The following QSOX1 variants were observed in gnomAD, a reference collection of about 807,000 sequenced individuals.
The protein encoded by QSOX1 is quiescin sulfhydryl oxidase 1, also known as sulfhydryl oxidase 1.
QSOX1 carries 40 observed loss-of-function variants against 76.1 expected under a neutral mutation model. The observed-to-expected ratio is 0.53, with a 90% CI of 0.41 to 0.68. QSOX1 has a LOEUF of 0.68. Ranked by LOEUF, QSOX1 falls within the 30% of genes least tolerant of loss-of-function variation. The pLI is 0.00. For missense variants in QSOX1, 931 were observed against 974.3 expected (o/e 0.96, Z 0.59); for synonymous variants, 392 against 413.1 (o/e 0.95, Z 0.62).
rs60836685 is a variant in QSOX1 at position 180,181,194 on chromosome 1, T to C, written c.607-980T>C. ...TTCTAAAAAAAATAATGATGACTGA[T>C]GTATATTTTTCTGATTCGGAGTCTA... On this transcript the variant is annotated intron_variant, in intron 5 of 11. Coordinates refer to ENST00000367602, the MANE Select transcript of QSOX1 (RefSeq NM_002826.5). Among the ~76,000 whole-genome samples, 3,322 of 152,270 alleles carry C rather than the reference T, an allele frequency of 0.022. 187 individuals are homozygous for C. The East Asian group carries it at 0.23, about 11-fold the overall frequency.
chr1:180,170,709 G>A (rs917388266), intron 2 of QSOX1, among the ~76,000 whole-genome samples: 5 of 152,224 alleles, frequency 3.3e-5, no homozygotes, highest in African/African-American at 7.2e-5. Flanking sequence ...CAGGGCACAC[G>A]CCCCAGTGGT....
intron 1 of QSOX1, among the ~76,000 whole-genome samples, chr1:180,163,902 T>C (rs566974432): frequency 9.2e-4 from 140 of 152,252 alleles, no homozygotes; most frequent in Middle Eastern, 3.4e-3. Context: ...AATAATATGT[T>C]GATGTTTCTC....
At chr1:180,182,435 C>A in intron 6 of QSOX1, 116 bp downstream of exon 6, 2 of 1,393,174 alleles carry the variant, frequency 1.4e-6, no homozygotes, top group Non-Finnish European at 2.0e-6. Context: ...CTGAAGAGCC[C>A]CCTCAGGAGA....
At position 180,196,246 on chromosome 1, in the gene QSOX1, A is replaced by G; in HGVS notation, c.1469-16A>G. 1 of 1,599,168 alleles carries G rather than the reference A, an allele frequency of 6.3e-7. No individual in the cohort carries two copies. Among genetic ancestry groups the G allele is most frequent in the Non-Finnish European group, 8.5e-7 (1 of 1,169,890 alleles). On this transcript the variant is annotated splice_polypyrimidine_tract_variant and intron_variant, in intron 11 of 11. Transcript: ENST00000367602. This position sits in a 1 kb window ranked among gnomAD's most constrained non-coding sequence, Gnocchi z 4.1. Reference sequence around the variant, plus strand: ...GACTGATGTCACCACCAGCCTGTGTATGCTTCCCTCTGTAGGTGCCCCCAG... The same window carrying G: ...GACTGATGTCACCACCAGCCTGTGTGTGCTTCCCTCTGTAGGTGCCCCCAG...
intron 8 of QSOX1, among the ~76,000 whole-genome samples, chr1:180,187,301 C>T (rs1035062065): frequency 6.6e-6 from 1 of 152,222 alleles, no homozygotes; most frequent in Non-Finnish European, 1.5e-5. Context: ...TTCTTCAGTC[C>T]ATTGCCATAA....
intron 2 of QSOX1, among the ~76,000 whole-genome samples, chr1:180,170,128 G>T (rs987318784): frequency 2.6e-5 from 4 of 152,210 alleles, no homozygotes; most frequent in Non-Finnish European, 4.4e-5. Context: ...AGAAATGGCA[G>T]GTCCTTGAAT....
chr1:180,156,701 C>T lies in QSOX1; in HGVS notation c.265+1529C>T, dbSNP rs901547499. On this transcript the variant is annotated intron_variant, in intron 1 of 11. Transcript: ENST00000367602. ...GGTCCCATTAGCTGAACGTGCCTTTCTGAGCAGTGCTTCACACCATTTCAA... is the reference window on the plus strand; with the variant it reads ...GGTCCCATTAGCTGAACGTGCCTTTTTGAGCAGTGCTTCACACCATTTCAA... Among the ~76,000 whole-genome samples the T allele has an allele frequency of 2.6e-5, 4 of 152,314 alleles. No individual in the cohort carries two copies. The East Asian group carries it at 7.7e-4, about 29-fold the overall frequency.
rs1173728756 is a variant in QSOX1, at chr1:180,184,038, A to G, written c.875A>G (p.Lys292Arg). 1 of 1,614,002 alleles carries G rather than the reference A, an allele frequency of 6.2e-7. No individual in the cohort carries two copies. ...AACAAGATAGCTCCCACTGTTTGGA[A>G]ATTGGCAGATCGGTAAGGCTACGCC... ...TANKIAPTVW[K>R]LADRSKIYMA... Residue 292 changes from lysine to arginine, a missense_variant, in exon 7 of 12, where the codon AAA becomes AGA. Coordinates refer to ENST00000367602, the MANE Select transcript of QSOX1 (RefSeq NM_002826.5).
At chr1:180,175,184 A>T in intron 2 of QSOX1, 137 bp from the exon 3 acceptor site, 1 of 802,220 alleles carries the variant, frequency 1.2e-6, no homozygotes. Context: ...GAAAGAAAAA[A>T]GAAACAGGCT....
At chr1:180,180,278 T>C (rs976073738) in intron 5 of QSOX1, among the ~76,000 whole-genome samples, 2 of 152,270 alleles carry the variant, frequency 1.3e-5, no homozygotes, top group African/African-American at 2.4e-5. Flanking sequence ...TGGCACTGTC[T>C]TGGCTCGCTG....
Position 180,176,023 on chromosome 1 carries a change from G to A in QSOX1, c.505G>A (p.Glu169Lys). The stretch of plus-strand genomic sequence containing the variant: ...GTGGCCCCCAGCCTGTCCCCCACTG[G>A]AGCCTGCCAAGTACTTTGGGCTGGG... Reference protein sequence around the residue: ...DTWPPACPPLEPAKLEEIDGF... With the variant: ...DTWPPACPPLKPAKLEEIDGF... Residue 169 changes from glutamate (E) to lysine (K), a missense_variant, in exon 4 of 12, where the codon GAG (glutamate) becomes AAG (lysine). Transcript: ENST00000367602. 1 of 1,593,454 alleles carries A rather than the reference G, an allele frequency of 6.3e-7. No homozygotes were observed.
chr1:180,180,195 G>A (rs892918536), intron 5 of QSOX1, among the ~76,000 whole-genome samples: 9 of 152,214 alleles, frequency 5.9e-5, no homozygotes, highest in African/African-American at 2.2e-4. Context: ...CAAGATAGGA[G>A]CTTTATATTT....
intron 11 of QSOX1, 139 bp downstream of exon 11, chr1:180,194,531 C>A: frequency 1.3e-6 from 1 of 747,682 alleles, no homozygotes; most frequent in Non-Finnish European, 2.0e-6. Flanking sequence ...TAACCAATGC[C>A]AGTATCATCA....
At chr1:180,163,524 C>T (rs2149230333) in intron 1 of QSOX1, among the ~76,000 whole-genome samples, 1 of 152,290 alleles carries the variant, frequency 6.6e-6, no homozygotes, top group Admixed American at 6.5e-5. Flanking sequence ...GTTTCCTCAG[C>T]TTTTCATGCT....
intron 1 of QSOX1, among the ~76,000 whole-genome samples, chr1:180,166,143 G>T (rs973697412): frequency 6.6e-6 from 1 of 152,130 alleles, no homozygotes; most frequent in Non-Finnish European, 1.5e-5. Context: ...GGCTTTTCCT[G>T]GGGGGTGGGG....
chr1:180,198,286 C>T lies in QSOX1; in HGVS notation c.*1249C>T, dbSNP rs1019141639. 2.2e-5 allele frequency: 10 copies of T among 456,536 alleles called. No homozygotes were observed. The highest frequency in any genetic ancestry group is 3.1e-5 in the Non-Finnish European group (7 of 226,970). The allele number at this position is 456,536 out of a possible 1,614,324, so 28.3% of individuals were successfully genotyped here. Reference sequence around the variant, plus strand: ...CTCCCTGAGAGCTCCTGCCTCAGTGCCCTGGGCTGGTGAGGGAGAAGCCTG... The same window carrying T: ...CTCCCTGAGAGCTCCTGCCTCAGTGTCCTGGGCTGGTGAGGGAGAAGCCTG... On this transcript the variant is annotated 3_prime_UTR_variant, in exon 12 of 12. Coordinates refer to ENST00000367602, the MANE Select transcript of QSOX1 (RefSeq NM_002826.5).
In QSOX1 at chr1:180,186,141, C is replaced by T. The variant is rs189319097; in HGVS notation, c.976C>T (p.Arg326Cys). The change falls in exon 8 of 12, where the codon CGC becomes TGC. Residue 326 changes from arginine (R) to cysteine (C), a missense_variant. Physicochemically the swap from Arg to Cys is radical, Grantham distance 180. Coordinates refer to ENST00000367602, the MANE Select transcript of QSOX1 (RefSeq NM_002826.5). ...VGRFPVLEGQRLVALKKFVAV... is the reference protein window; with the variant it reads ...VGRFPVLEGQCLVALKKFVAV... The stretch of plus-strand genomic sequence containing the variant: ...CAGGTTCCCGGTCCTGGAAGGGCAG[C>T]GCCTGGTGGCCCTGAAAAAGTTTGT... The T allele has an allele frequency of 4.8e-4, 778 of 1,614,032 alleles. 5 individuals carry two copies. The Middle Eastern group carries it at 6.5e-3, about 14-fold the overall frequency.
chr1:180,155,933 A>G (rs985465596), intron 1 of QSOX1, among the ~76,000 whole-genome samples: 9 of 152,194 alleles, frequency 5.9e-5, no homozygotes, highest in African/African-American at 1.7e-4. Flanking sequence ...CACCAAAACT[A>G]TATTTCCTGA....
intron 5 of QSOX1, among the ~76,000 whole-genome samples, chr1:180,179,420 C>A (rs566345060): frequency 6.6e-6 from 1 of 152,238 alleles, no homozygotes; most frequent in Non-Finnish European, 1.5e-5. Flanking sequence ...AGCTCCCCAG[C>A]GCTTCCAGCT....
Sources: allele counts gnomAD v4.1 joint callset (sites outside exome capture counted in the v4.1 genomes callset), GRCh38; gene constraint gnomAD v4.1.1; non-coding constraint Gnocchi (gnomAD v3.1); transcripts MANE v1.5; gene names NCBI Gene and HGNC (gene_info 2026-07-23, HGNC 2026-07-21).